Variants in ANO4 observed in about 807,000 individuals in gnomAD.
ANO4 encodes anoctamin 4.
Under a neutral mutation model 141.9 loss-of-function variants are expected in ANO4, and 69 were observed. The ratio of observed to expected loss-of-function variants is 0.49; its 90% confidence interval spans 0.40 to 0.59. The LOEUF is 0.59. Ranked by LOEUF, ANO4 falls within the 20% of genes least tolerant of loss-of-function variation. The pLI is 0.00. For missense variants in ANO4, 894 were observed against 1,162.2 expected (o/e 0.77, Z 3.36); for synonymous variants, 350 against 394.3 (o/e 0.89, Z 1.33).
chr12:100,830,888 AT>A (rs919835392), intron 1 of ANO4, among the ~76,000 whole-genome samples: 19 of 151,420 alleles, frequency 1.3e-4, no homozygotes, highest in South Asian at 1.0e-3. Context: ...TTTTTAAGTT[AT>A]TTTTTTCACT....
chr12:100,849,748 T>C (rs985184924), intron 1 of ANO4, among the ~76,000 whole-genome samples: 1 of 152,240 alleles, frequency 6.6e-6, no homozygotes, highest in African/African-American at 2.4e-5. Flanking sequence ...GGAAAATTTT[T>C]AGAGCTATAT....
intron 21 of ANO4, among the ~76,000 whole-genome samples, chr12:101,099,057 A>G (rs930912551): frequency 4.6e-5 from 7 of 152,184 alleles, no homozygotes; most frequent in Non-Finnish European, 1.0e-4. Context: ...TGGGAGTCAG[A>G]GTCCCTGTGG....
chr12:100,771,966 A>G (rs1240225480), intron 3 of ANO4, among the ~76,000 whole-genome samples: 1 of 152,200 alleles, frequency 6.6e-6, no homozygotes, highest in Non-Finnish European at 1.5e-5. Context: ...GCCTATGATC[A>G]CACATGAAAA....
At chr12:100,787,450 G>A (rs1353621917) in intron 3 of ANO4, among the ~76,000 whole-genome samples, 1 of 152,184 alleles carries the variant, frequency 6.6e-6, no homozygotes, top group Non-Finnish European at 1.5e-5. Context: ...AAGAAAGGTA[G>A]GAGAGCAGTC....
intron 3 of ANO4, among the ~76,000 whole-genome samples, chr12:100,769,490 G>A (rs2033212455): frequency 1.3e-5 from 2 of 152,166 alleles, no homozygotes. Flanking sequence ...TTGTCCATGG[G>A]CTTGTCTCAT....
At chr12:101,120,481 A>G (rs2051040586) in intron 25 of ANO4, 39 bp from the exon 26 acceptor site, 1 of 1,549,124 alleles carries the variant, frequency 6.5e-7, no homozygotes, top group African/African-American at 1.4e-5. Flanking sequence ...AATCAGAAAA[A>G]TCATAGTTTG....
chr12:100,997,201 G>A (rs931815940), intron 8 of ANO4, among the ~76,000 whole-genome samples: 9 of 151,798 alleles, frequency 5.9e-5, no homozygotes, highest in Admixed American at 1.3e-4. Flanking sequence ...AGGCGTGGTT[G>A]CGCGTGCCTT....
At chr12:100,952,557 G>A (rs2043012168) in intron 5 of ANO4, among the ~76,000 whole-genome samples, 1 of 152,118 alleles carries the variant, frequency 6.6e-6, no homozygotes, top group African/African-American at 2.4e-5. Flanking sequence ...AAGCTGAGGG[G>A]ACCTGGTAGA....
intron 1 of ANO4, among the ~76,000 whole-genome samples, chr12:100,870,593 T>C (rs2038981667): frequency 6.6e-6 from 1 of 152,176 alleles, no homozygotes; most frequent in Non-Finnish European, 1.5e-5. Context: ...TTTATTTTAA[T>C]CCCTTATCCT....
chr12:101,104,648 TATATATATATATATATATATATAA>T (rs1250884331), intron 22 of ANO4, among the ~76,000 whole-genome samples: 9,002 of 106,892 alleles, frequency 0.084, 973 homozygotes, highest in African/African-American at 0.27. Flanking sequence ...TATATATATA[TATATATATATATATATATATATAA>T]ATAAAAAGAT....
chr12:100,846,933 C>T (rs1032363132), intron 1 of ANO4, among the ~76,000 whole-genome samples: 1 of 68,784 alleles, frequency 1.5e-5, no homozygotes, highest in African/African-American at 7.2e-5. Flanking sequence ...TCCTCCTCTT[C>T]TTTCCTTCCA....
intron 1 of ANO4, among the ~76,000 whole-genome samples, chr12:100,726,953 C>T (rs2031153539): frequency 7.4e-6 from 1 of 134,360 alleles, no homozygotes; most frequent in African/African-American, 2.7e-5. Flanking sequence ...TTAATAGTTG[C>T]CCCGGGACCC....
chr12:100,719,515 C>A (rs1385057655), intron 1 of ANO4, among the ~76,000 whole-genome samples: 1 of 152,160 alleles, frequency 6.6e-6, no homozygotes, highest in Non-Finnish European at 1.5e-5. Context: ...CCTGTCAATT[C>A]TGTTGGATTT....
At chr12:100,853,371 C>A (rs2037987638) in intron 1 of ANO4, among the ~76,000 whole-genome samples, 1 of 152,126 alleles carries the variant, frequency 6.6e-6, no homozygotes, top group Non-Finnish European at 1.5e-5. Flanking sequence ...ACTCCAACTT[C>A]ATGAAGATAT....
chr12:101,076,046 A>G (rs1029658783), intron 14 of ANO4, among the ~76,000 whole-genome samples: 18 of 152,206 alleles, frequency 1.2e-4, no homozygotes, highest in African/African-American at 4.3e-4. Flanking sequence ...ACAAGCAGCT[A>G]ATTTCTTCTT....
chr12:101,071,348 AAAAAG>A (rs929296936), intron 14 of ANO4, among the ~76,000 whole-genome samples: 27 of 152,144 alleles, frequency 1.8e-4, no homozygotes, highest in South Asian at 8.3e-4. Context: ...TAAAAAAAAA[AAAAAG>A]AGAATGACAT....
intron 5 of ANO4, among the ~76,000 whole-genome samples, chr12:100,957,415 G>A (rs1263717742): frequency 6.6e-6 from 1 of 152,014 alleles, no homozygotes. Flanking sequence ...CTCTCACAAA[G>A]CCCCACCTCT....
rs1423318615 is a variant in ANO4, at chr12:101,120,538, C to G, written c.2589C>G (p.Asp863Glu). ...TTTATAGATACCGGGACTACCGTGACCCGCCTCATTCACTGGTGCCCTATG... is the reference window on the plus strand; with the variant it reads ...TTTATAGATACCGGGACTACCGTGAGCCGCCTCATTCACTGGTGCCCTATG... ...LKYCRYRDYR[D>E]PPHSLVPYGY... The change falls in exon 26 of 28, where the codon GAC becomes GAG. Residue 863 changes from aspartate to glutamate, a missense_variant. Coordinates refer to ENST00000392977, the MANE Select transcript of ANO4 (RefSeq NM_001286615.2). 1.2e-6 allele frequency: 2 copies of G among 1,614,042 alleles called. No homozygotes were observed. Among genetic ancestry groups the G allele is most frequent in the Non-Finnish European group, 1.7e-6 (2 of 1,179,974 alleles).
At chr12:100,814,546 GTTC>G (rs920027723) in intron 1 of ANO4, among the ~76,000 whole-genome samples, 47 of 152,204 alleles carry the variant, frequency 3.1e-4, no homozygotes, top group African/African-American at 1.1e-3. Context: ...CCACTCTGAT[GTTC>G]TTCTAGTCCT....
Sources: allele counts gnomAD v4.1 joint callset (sites outside exome capture counted in the v4.1 genomes callset), GRCh38; gene constraint gnomAD v4.1.1; transcripts MANE v1.5; gene names NCBI Gene and HGNC (gene_info 2026-07-23, HGNC 2026-07-21).